The following BRME1 variants were observed in gnomAD, a reference collection of about 807,000 sequenced individuals.
BRME1 encodes the protein break repair meiotic recombinase recruitment factor 1.
In BRME1, 31 loss-of-function variants were observed where a neutral mutation model predicts 52.6. The observed-to-expected ratio is 0.59, with a 90% CI of 0.44 to 0.80. The LOEUF (loss-of-function observed/expected upper bound fraction) is 0.80. BRME1 is among the 30% of genes least tolerant of loss of function. BRME1 has a pLI of 0.00. For synonymous variants in BRME1, 359 were observed against 353.6 expected, an observed-to-expected ratio of 1.02 and a Z score of -0.17; for missense variants, 804 against 860.3, an observed-to-expected ratio of 0.93 and a Z score of 0.82.
intron 2 of BRME1, among the ~76,000 whole-genome samples, chr19:13,897,504 T>C (rs1350687879): frequency 1.3e-5 from 2 of 148,408 alleles, no homozygotes; most frequent in Admixed American, 6.6e-5. Context: ...GGCAGGGTGC[T>C]GCTGTTATGC....
chr19:13,886,138 C>T, intron 6 of BRME1, 83 bp from the exon 7 acceptor site: 2 of 1,202,866 alleles, frequency 1.7e-6, no homozygotes, highest in Non-Finnish European at 2.4e-6. Context: ...CACGCTGATG[C>T]TTTTGGCTTC....
intron 6 of BRME1, among the ~76,000 whole-genome samples, chr19:13,887,544 C>T (rs1357934758): frequency 1.3e-5 from 2 of 152,204 alleles, no homozygotes; most frequent in African/African-American, 4.8e-5. Context: ...GCCACCTAGG[C>T]ACACCTGGCC....
At chr19:13,898,741 T>C (rs970876503) in intron 2 of BRME1, among the ~76,000 whole-genome samples, 4 of 151,252 alleles carry the variant, frequency 2.6e-5, no homozygotes, top group African/African-American at 9.7e-5. Flanking sequence ...CTGACCAACA[T>C]GGAGAAACCC....
chr19:13,882,897 G>C lies in BRME1; in HGVS notation c.1912C>G (p.Arg638Gly). 6.2e-7 allele frequency: 1 copy of C among 1,614,020 alleles called. No homozygotes were observed. The highest frequency in any genetic ancestry group is 8.5e-7 in the Non-Finnish European group (1 of 1,179,994). Reference sequence around the variant, plus strand: ...GCTTTGCCTCCCAGCTTTGTCTTCCGGTAGTTAAGGCGCTTGAAAGCTTCC... The same window carrying C: ...GCTTTGCCTCCCAGCTTTGTCTTCCCGTAGTTAAGGCGCTTGAAAGCTTCC... ...DLEAFKRLNY[R>G]KTKLGGKAPL... Residue 638 changes from arginine (R) to glycine (G), a missense_variant, in exon 9 of 9, where the codon CGG becomes GGG. Around this residue, in one of 3 missense-constraint regions of BRME1, gnomAD observed 552 missense variants for 561.1 expected, o/e 0.98. Transcript: ENST00000586783.
rs377380467 is a variant in BRME1, at chr19:13,889,629, G to A, written c.1227C>T (p.Gly409=). The change falls in exon 6 of 9, where the codon GGC becomes GGT. Residue 409 remains glycine, a synonymous_variant. Coordinates refer to ENST00000586783, the MANE Select transcript of BRME1 (RefSeq NM_001345843.2). ...GEAGQDGKPP[G]DVLVGPTASL... ...AGGCTGTAGGGCCCACTAGGACATC[G>A]CCGGGGGGCTTGCCATCCTGCCCTG... 135 of 1,608,026 alleles carry A rather than the reference G, an allele frequency of 8.4e-5. No homozygotes were observed. The highest frequency in any genetic ancestry group is 2.0e-4 in the East Asian group (9 of 44,818).
At chr19:13,899,400 C>A (rs1405865323) in intron 2 of BRME1, among the ~76,000 whole-genome samples, 1 of 152,146 alleles carries the variant, frequency 6.6e-6, no homozygotes, top group Non-Finnish European at 1.5e-5. Flanking sequence ...ATCTGTCTGC[C>A]TTGGCCTCCC....
At chr19:13,899,550 C>T (rs1599353180) in intron 2 of BRME1, among the ~76,000 whole-genome samples, 1 of 152,242 alleles carries the variant, frequency 6.6e-6, no homozygotes, top group East Asian at 1.9e-4. Flanking sequence ...GAAGCATTTT[C>T]CTTTGTCCTC....
In BRME1 at chr19:13,883,236, C is replaced by G; in HGVS notation, c.1856+72G>C. Reference sequence around the variant, plus strand: ...CCACCTAGGGGCTTCACACTTCAGTCCCTCCCTGCTCCTCTGAGTCCCCAC... The same window carrying G: ...CCACCTAGGGGCTTCACACTTCAGTGCCTCCCTGCTCCTCTGAGTCCCCAC... On this transcript the variant is annotated intron_variant, in intron 8 of 8. Coordinates refer to ENST00000586783, the MANE Select transcript of BRME1 (RefSeq NM_001345843.2). This position sits in a 1 kb window ranked among gnomAD's most constrained non-coding sequence, Gnocchi z 4.2. 7.3e-7 allele frequency: 1 copy of G among 1,368,672 alleles called. No individual in the cohort carries two copies. Among genetic ancestry groups the G allele is most frequent in the African/African-American group, 1.4e-5 (1 of 69,958 alleles). The allele number at this position is 1,368,672 out of a possible 1,614,324, so 84.8% of individuals were successfully genotyped here.
In BRME1 at chr19:13,889,277, C is replaced by A; in HGVS notation, c.1579G>T (p.Asp527Tyr). Residue 527 changes from aspartate (D) to tyrosine (Y), a missense_variant, in exon 6 of 9, where the codon GAC (aspartate) becomes TAC (tyrosine). By Grantham distance (160) the Asp-to-Tyr change is radical. Transcript: ENST00000586783. ...PHSADQGTWA[D>Y]SLAVELDFLL... is the part of the protein sequence containing the mutation. ...AAGTCGAGTTCCACAGCTAAAGAGT[C>A]TGCCCAGGTGCCCTGGTCTGCAGAA... The A allele has an allele frequency of 1.9e-6, 3 of 1,614,146 alleles. No individual in the cohort carries two copies. Among genetic ancestry groups the A allele is most frequent in the Non-Finnish European group, 2.5e-6 (3 of 1,180,036 alleles).
intron 2 of BRME1, among the ~76,000 whole-genome samples, chr19:13,900,922 G>A (rs1970252368): frequency 6.6e-6 from 1 of 151,984 alleles, no homozygotes; most frequent in Non-Finnish European, 1.5e-5. Context: ...CCATCCACCT[G>A]CCTCGGCCTC....
At position 13,882,960 on chromosome 19, in the gene BRME1, G is replaced by A. The variant is rs751124655; in HGVS notation, c.1857-8C>T. ...GTGCCCATGATCAGCCGGCTGTGGGGGAAACACAGGCATGCGTGTGGGGCT... is the reference window on the plus strand; with the variant it reads ...GTGCCCATGATCAGCCGGCTGTGGGAGAAACACAGGCATGCGTGTGGGGCT... On this transcript the variant is annotated splice_region_variant and splice_polypyrimidine_tract_variant and intron_variant, in intron 8 of 8. Coordinates refer to ENST00000586783, the MANE Select transcript of BRME1 (RefSeq NM_001345843.2). 13 of 1,611,342 alleles carry A rather than the reference G, an allele frequency of 8.1e-6. No homozygotes were observed. Among genetic ancestry groups the A allele is most frequent in the South Asian group, 1.1e-5 (1 of 90,952 alleles).
intron 5 of BRME1, among the ~76,000 whole-genome samples, chr19:13,890,959 G>A (rs968654899): frequency 2.0e-5 from 3 of 151,888 alleles, no homozygotes; most frequent in Non-Finnish European, 4.4e-5. Flanking sequence ...TATTGGCACC[G>A]GCCATCATGC....
intron 5 of BRME1, among the ~76,000 whole-genome samples, chr19:13,892,414 C>T (rs1318694250): frequency 1.3e-5 from 2 of 151,914 alleles, no homozygotes; most frequent in African/African-American, 4.8e-5. Context: ...GGTAAAACCC[C>T]GTCTCTACTA....
In BRME1 at chr19:13,906,048, G is replaced by A. The variant is rs1436978846; in HGVS notation, c.-355C>T. 1.8e-5 allele frequency: 3 copies of A among 169,796 alleles called. No individual in the cohort carries two copies. Among genetic ancestry groups the A allele is most frequent in the East Asian group, 3.0e-4 (2 of 6,596 alleles). 10.5% of individuals were successfully genotyped at this position (169,796 alleles called of 1,614,324 possible). ...CGCTCTGAACCCCACAGATGTCGCCGCCCCTCACACCTGCGCGCGCTCTGC... is the reference window on the plus strand; with the variant it reads ...CGCTCTGAACCCCACAGATGTCGCCACCCCTCACACCTGCGCGCGCTCTGC... On this transcript the variant is annotated 5_prime_UTR_variant, in exon 1 of 9. Transcript: ENST00000586783. The surrounding 1 kb of genome is among the most constrained non-coding windows in gnomAD (Gnocchi z 4.1).
Position 13,883,374 on chromosome 19 carries a change from T to G in BRME1, c.1790A>C (p.Glu597Ala). The change falls in exon 8 of 9, where the codon GAG (glutamate) becomes GCG (alanine). Residue 597 changes from glutamate (E) to alanine (A), a missense_variant. Glu to Ala is a moderately radical substitution (Grantham distance 107). Transcript: ENST00000586783. The surrounding 1 kb of genome is among the most constrained non-coding windows in gnomAD (Gnocchi z 4.2). ...PRTFVGIQAS[E>A]ASRMEDATNV... ...GGTGGCATCCTCCATCCTGGAGGCC[T>G]CAGAGGCCTGGATCCCCACGAAGGT... 6.5e-7 allele frequency: 1 copy of G among 1,534,914 alleles called. No homozygotes were observed. Among genetic ancestry groups the G allele is most frequent in the South Asian group, 1.2e-5 (1 of 84,034 alleles).
chr19:13,894,273 CCA>C (rs1969721720), intron 3 of BRME1, among the ~76,000 whole-genome samples: 1 of 152,138 alleles, frequency 6.6e-6, no homozygotes, highest in Admixed American at 6.6e-5. Context: ...GCCTGTAATC[CCA>C]GCACTTTGGG....
Position 13,883,201 on chromosome 19 carries a change from C to G in BRME1, c.1856+107G>C. The G allele has an allele frequency of 9.1e-7, 1 of 1,102,632 alleles. No individual in the cohort carries two copies. The highest frequency in any genetic ancestry group is 1.3e-6 in the Non-Finnish European group (1 of 770,474). 68.3% of individuals were successfully genotyped at this position (1,102,632 alleles called of 1,614,324 possible). Reference sequence around the variant, plus strand: ...GACCCAGCAGCAGTGAGGTGCCTGACCCTCGCTGCCCACCTAGGGGCTTCA... The same window carrying G: ...GACCCAGCAGCAGTGAGGTGCCTGAGCCTCGCTGCCCACCTAGGGGCTTCA... On this transcript the variant is annotated intron_variant, in intron 8 of 8. Coordinates refer to ENST00000586783, the MANE Select transcript of BRME1 (RefSeq NM_001345843.2). This position sits in a 1 kb window ranked among gnomAD's most constrained non-coding sequence, Gnocchi z 4.2.
At chr19:13,887,267 G>A (rs1005313219) in intron 6 of BRME1, among the ~76,000 whole-genome samples, 10 of 152,200 alleles carry the variant, frequency 6.6e-5, no homozygotes, top group African/African-American at 1.7e-4. Context: ...GGAGCCACCC[G>A]GAACCTTCCC....
At chr19:13,895,627 C>A (rs879635032) in intron 2 of BRME1, 81 bp from the exon 3 acceptor site, 113 of 1,303,440 alleles carry the variant, frequency 8.7e-5, no homozygotes, top group Non-Finnish European at 1.1e-4. Flanking sequence ...TCCCCCACTA[C>A]AACCAGGCTG....
Sources: gnomAD v4.1 joint callset for allele counts (sites outside exome capture counted in the v4.1 genomes callset) on GRCh38, gnomAD v4.1.1 for gene constraint, gnomAD v4.1.1 regional missense constraint, Gnocchi (gnomAD v3.1) non-coding constraint, MANE v1.5 for transcripts, NCBI Gene and HGNC (gene_info 2026-07-23, HGNC 2026-07-21) for gene names.